BCL2L14: variants seen among roughly 807,000 people sequenced by gnomAD.
The protein encoded by BCL2L14 is apoptosis facilitator Bcl-2-like protein 14.
A neutral mutation model predicts 35.3 loss-of-function variants in BCL2L14; 27 were observed. The ratio of observed to expected loss-of-function variants is 0.76; its 90% CI spans 0.56 to 1.05. The LOEUF is 1.05. Ranked by LOEUF, BCL2L14 falls within the 50% of genes least tolerant of loss-of-function variation. BCL2L14 has a pLI of 0.00. For synonymous variants in BCL2L14, 139 were observed against 145.9 expected, an observed-to-expected ratio of 0.95 and a Z score of 0.34; for missense variants, 377 against 382.6, an observed-to-expected ratio of 0.99 and a Z score of 0.12.
upstream of BCL2L14, among the ~76,000 whole-genome samples, chr12:12,067,956 C>CAGGGTCTGG (rs1243925328): frequency 1.3e-5 from 2 of 151,428 alleles, no homozygotes; most frequent in Non-Finnish European, 2.9e-5. Flanking sequence ...TTTTTTGAGA[C>CAGGGTCTGG]AGGGTCTGGC....
chr12:12,057,755 TAAA>T (rs370379966), intron 2 of BCL2L14, among the ~76,000 whole-genome samples: 1 of 120,328 alleles, frequency 8.3e-6, no homozygotes, highest in Non-Finnish European at 1.7e-5. Context: ...AAAACTCCAT[TAAA>T]AAAAAAAAAA....
chr12:12,053,715 G>A (rs765020669), intron 2 of BCL2L14, among the ~76,000 whole-genome samples: 5 of 152,140 alleles, frequency 3.3e-5, no homozygotes, highest in African/African-American at 7.2e-5. Flanking sequence ...ATGCCCAGCC[G>A]GCAATATAAC....
At chr12:12,089,325 C>T (rs1019049051) in intron 3 of BCL2L14, among the ~76,000 whole-genome samples, 6 of 148,740 alleles carry the variant, frequency 4.0e-5, no homozygotes, top group Admixed American at 1.3e-4. Flanking sequence ...GCCAAGATTA[C>T]GCCATTGCAC....
chr12:12,079,819 T>A, intron 2 of BCL2L14, 81 bp downstream of exon 2: 2 of 1,420,932 alleles, frequency 1.4e-6, no homozygotes, highest in African/African-American at 1.4e-5. Context: ...TCTTCTCATG[T>A]TGTAAAGTGG....
chr12:12,096,916 G>T (rs1949323803), intron 5 of BCL2L14, among the ~76,000 whole-genome samples: 1 of 152,174 alleles, frequency 6.6e-6, no homozygotes, highest in South Asian at 2.1e-4. Flanking sequence ...GGCCGAGGCG[G>T]GTGGATCACG....
At chr12:12,073,544 A>G (rs1948712348) in intron 1 of BCL2L14, among the ~76,000 whole-genome samples, 1 of 152,054 alleles carries the variant, frequency 6.6e-6, no homozygotes. Flanking sequence ...TCCAGTGACA[A>G]TACTCCCCCC....
At chr12:12,075,451 A>G (rs1399265565) in intron 1 of BCL2L14, among the ~76,000 whole-genome samples, 1 of 125,530 alleles carries the variant, frequency 8.0e-6, no homozygotes, top group African/African-American at 2.9e-5. Context: ...TTTGAGACGG[A>G]GTTTCGCTGT....
At chr12:12,054,792 T>A (rs1948406185) in intron 2 of BCL2L14, 1 of 148,060 alleles carries the variant, frequency 6.8e-6, no homozygotes, top group African/African-American at 2.5e-5. Context: ...CTACTAAAAA[T>A]ACAAAATGAG....
At chr12:12,054,996 A>C (rs1948410064) in intron 2 of BCL2L14, 1 of 152,118 alleles carries the variant, frequency 6.6e-6, no homozygotes, top group African/African-American at 2.4e-5. Flanking sequence ...AATCAGGGAG[A>C]GAATTCAGAG....
chr12:12,051,606 G>C (rs1354656724), intron 1 of BCL2L14, among the ~76,000 whole-genome samples: 2 of 152,118 alleles, frequency 1.3e-5, no homozygotes, highest in Non-Finnish European at 2.9e-5. Flanking sequence ...GCACTAGGTA[G>C]CTGAATCGAA....
intron 2 of BCL2L14, among the ~76,000 whole-genome samples, chr12:12,064,750 G>A (rs1414226465): frequency 1.3e-5 from 2 of 152,170 alleles, no homozygotes; most frequent in Non-Finnish European, 1.5e-5. Flanking sequence ...GTTTATCACC[G>A]TGGCTTCCTT....
In BCL2L14 at chr12:12,079,296, C is replaced by G; in HGVS notation, c.-7-3C>G. 6.2e-7 allele frequency: 1 copy of G among 1,608,884 alleles called. No individual in the cohort carries two copies. The highest frequency in any genetic ancestry group is 8.5e-7 in the Non-Finnish European group (1 of 1,177,358). On this transcript the variant is annotated splice_polypyrimidine_tract_variant and splice_region_variant and intron_variant, in intron 1 of 5. Coordinates refer to ENST00000308721, the MANE Select transcript of BCL2L14 (RefSeq NM_138723.2). ...GGGCACAGTGTGGACTTTGTTGTTA[C>G]AGGCCCAACATGTGTAGCACCAGTG...
chr12:12,090,197 C>G (rs953944868), intron 3 of BCL2L14, among the ~76,000 whole-genome samples: 1 of 152,028 alleles, frequency 6.6e-6, no homozygotes, highest in South Asian at 2.1e-4. Context: ...GTAACTACAG[C>G]GATGAATTTC....
At chr12:12,080,699 T>C (rs1214179548) in intron 2 of BCL2L14, among the ~76,000 whole-genome samples, 1 of 151,316 alleles carries the variant, frequency 6.6e-6, no homozygotes, top group African/African-American at 2.4e-5. Context: ...CTAAGTCAAC[T>C]CATTCGCTCA....
chr12:12,056,275 A>G (rs1948431851), intron 2 of BCL2L14, among the ~76,000 whole-genome samples: 1 of 152,204 alleles, frequency 6.6e-6, no homozygotes, highest in Non-Finnish European at 1.5e-5. Context: ...ACAAGGGTCA[A>G]GAGTAAATTT....
At chr12:12,058,106 G>A (rs578141933) in intron 2 of BCL2L14, among the ~76,000 whole-genome samples, 12 of 150,418 alleles carry the variant, frequency 8.0e-5, no homozygotes, top group South Asian at 4.2e-4. Context: ...GTGCCACCAC[G>A]CCCAGCTAAA....
intron 2 of BCL2L14, among the ~76,000 whole-genome samples, chr12:12,061,982 A>G (rs934448578): frequency 1.6e-4 from 25 of 152,300 alleles, no homozygotes; most frequent in East Asian, 5.8e-4. Context: ...TAACCTTTCT[A>G]TGCAAACAAC....
chr12:12,061,982 A>C (rs934448578), intron 2 of BCL2L14, among the ~76,000 whole-genome samples: 2 of 152,186 alleles, frequency 1.3e-5, no homozygotes, highest in Non-Finnish European at 2.9e-5. Context: ...TAACCTTTCT[A>C]TGCAAACAAC....
chr12:12,062,968 T>C (rs186698407), intron 2 of BCL2L14, among the ~76,000 whole-genome samples: 1 of 152,330 alleles, frequency 6.6e-6, no homozygotes, highest in African/African-American at 2.4e-5. Context: ...ACAATACTTT[T>C]ACCACTTTCG....
Sources: allele counts gnomAD v4.1 joint callset (sites outside exome capture counted in the v4.1 genomes callset), GRCh38; gene constraint gnomAD v4.1.1; transcripts MANE v1.5; gene names NCBI Gene and HGNC (gene_info 2026-07-23, HGNC 2026-07-21).